Variants in CPEB4 observed in about 807,000 individuals in gnomAD.
CPEB4 encodes the protein cytoplasmic polyadenylation element-binding protein 4.
In CPEB4, 12 loss-of-function variants were observed where a neutral mutation model predicts 72.5. That is an observed-to-expected ratio of 0.17 (90% CI 0.11 to 0.27). The LOEUF (loss-of-function observed/expected upper bound fraction) is 0.27, where lower values mean the gene tolerates loss of function less well. Among genes scored for constraint, CPEB4 ranks in the 10% least tolerant of loss-of-function variants. The pLI is 1.00. For synonymous variants in CPEB4, 302 were observed against 326.3 expected (o/e 0.93, Z 0.80); for missense variants, 614 against 908.5 (o/e 0.68, Z 4.17).
intron 1 of CPEB4, chr5:173,893,036 T>TGTGTGTGTGAGA (rs55993382): frequency 4.6e-4 from 46 of 100,974 alleles, no homozygotes; most frequent in South Asian, 8.1e-4. Context: ...TGTGTGTGTG[T>TGTGTGTGTGAGA]GAGAGAGAGA....
At chr5:173,941,528 A>T (rs952661815) in intron 3 of CPEB4, among the ~76,000 whole-genome samples, 14 of 152,222 alleles carry the variant, frequency 9.2e-5, no homozygotes, top group African/African-American at 3.1e-4. Flanking sequence ...TGGAAGAATG[A>T]GAATAAAAAC....
intron 1 of CPEB4, among the ~76,000 whole-genome samples, chr5:173,908,037 G>T (rs555511954): frequency 1.2e-4 from 19 of 152,342 alleles, no homozygotes; most frequent in Admixed American, 8.5e-4. Context: ...CCCTTTTAAA[G>T]GTGTGGTTCA....
Position 173,890,386 on chromosome 5 carries a change from T to A in CPEB4, c.653T>A (p.Phe218Tyr), listed in dbSNP as rs756435407. The A allele has an allele frequency of 4.6e-5, 74 of 1,614,000 alleles. No homozygotes were observed. The highest frequency in any genetic ancestry group is 1.7e-5 in the Non-Finnish European group (20 of 1,180,024). The change falls in exon 1 of 10, where the codon TTT becomes TAT. Residue 218 changes from phenylalanine (F) to tyrosine (Y), a missense_variant. Transcript: ENST00000265085. Reference sequence around the variant, plus strand: ...TTCCCCCATCATGTCAGCCCTGGCTTTGGAGGCAGCTTCTCTCCTCAGATC... The same window carrying A: ...TTCCCCCATCATGTCAGCCCTGGCTATGGAGGCAGCTTCTCTCCTCAGATC... The part of the protein sequence containing the change: ...QNFPHHVSPG[F>Y]GGSFSPQIGP...
chr5:173,908,258 A>G (rs1214771879), intron 1 of CPEB4, among the ~76,000 whole-genome samples: 1 of 152,216 alleles, frequency 6.6e-6, no homozygotes, highest in Non-Finnish European at 1.5e-5. Flanking sequence ...CTGGCCATGT[A>G]TACTCCTGCC....
intron 2 of CPEB4, among the ~76,000 whole-genome samples, chr5:173,919,798 A>T (rs1757009230): frequency 2.0e-5 from 3 of 152,200 alleles, no homozygotes; most frequent in Non-Finnish European, 4.4e-5. Context: ...GTGCCACAGA[A>T]TTATTACTTC....
At chr5:173,891,507 C>G (rs1381062988) in intron 1 of CPEB4, 1 of 152,152 alleles carries the variant, frequency 6.6e-6, no homozygotes, top group East Asian at 1.9e-4. Context: ...TATTTTTGAA[C>G]ACTGTGAAAC....
At chr5:173,922,301 G>A (rs1331291993) in intron 2 of CPEB4, among the ~76,000 whole-genome samples, 5 of 151,982 alleles carry the variant, frequency 3.3e-5, no homozygotes, top group Admixed American at 2.6e-4. Flanking sequence ...CACAATCTTG[G>A]CTCACTGCAG....
intron 2 of CPEB4, among the ~76,000 whole-genome samples, chr5:173,913,674 T>G (rs930670147): frequency 6.6e-6 from 1 of 152,240 alleles, no homozygotes; most frequent in Non-Finnish European, 1.5e-5. Flanking sequence ...TAAATTAAGT[T>G]TCTTTAAGCT....
intron 2 of CPEB4, among the ~76,000 whole-genome samples, chr5:173,928,963 G>T (rs1757344302): frequency 1.3e-5 from 2 of 152,198 alleles, no homozygotes; most frequent in Admixed American, 1.3e-4. Context: ...ATAGCTGATT[G>T]TTTAACAGAA....
rs908232586 is a variant in CPEB4, at chr5:173,948,103, A to G, written c.1457-1405A>G. ...AACCCATTGAATAAAATAGACCCAAACTGATATCAATAAATGAATAAATCA... is the reference window on the plus strand; with the variant it reads ...AACCCATTGAATAAAATAGACCCAAGCTGATATCAATAAATGAATAAATCA... On this transcript the variant is annotated intron_variant, in intron 5 of 9. Transcript: ENST00000265085. Among the ~76,000 whole-genome samples the G allele has an allele frequency of 2.0e-5, 3 of 152,150 alleles. No individual in the cohort carries two copies. In the East Asian group the frequency reaches 5.8e-4, roughly 29 times the overall value.
rs1050771010 is a variant in CPEB4, at chr5:173,950,452, A to G, written c.1665+374A>G. ...AAATCCAGTCTTTACTGAAAATACA[A>G]AAATTAGCCAGGCATGGTGGCGCAC... On this transcript the variant is annotated intron_variant, in intron 7 of 9. Transcript: ENST00000265085. The surrounding 1 kb of genome is among the most constrained non-coding windows in gnomAD (Gnocchi z 5.0). Among the ~76,000 whole-genome samples, 2 of 152,026 alleles carry G rather than the reference A, an allele frequency of 1.3e-5. No individual in the cohort carries two copies. The highest frequency in any genetic ancestry group is 4.8e-5 in the African/African-American group (2 of 41,374).
intron 2 of CPEB4, among the ~76,000 whole-genome samples, chr5:173,926,307 T>C (rs1757239322): frequency 6.6e-6 from 1 of 152,234 alleles, no homozygotes; most frequent in Non-Finnish European, 1.5e-5. Context: ...CCTCTGGTCT[T>C]TTCTCCTTTT....
chr5:173,945,417 A>C (rs1195061466), intron 5 of CPEB4, among the ~76,000 whole-genome samples: 2 of 152,230 alleles, frequency 1.3e-5, no homozygotes, highest in African/African-American at 4.8e-5. Context: ...GTGGGCATAC[A>C]TGGGTACTAA....
Position 173,890,825 on chromosome 5 carries a change from C to T in CPEB4, c.1092C>T (p.Ser364=), listed in dbSNP as rs1755787259. The change falls in exon 1 of 10, where the codon AGC becomes AGT. Residue 364 remains serine, a synonymous_variant. Transcript: ENST00000265085. Reference sequence around the variant, plus strand: ...CACCTAAATCCTGGATGGAAGATAGCTTGAACAGGGCTGACAACATTTTTC... The same window carrying T: ...CACCTAAATCCTGGATGGAAGATAGTTTGAACAGGGCTGACAACATTTTTC... ...AFAPKSWMED[S]LNRADNIFPF... 6.2e-7 allele frequency: 1 copy of T among 1,613,658 alleles called. No individual in the cohort carries two copies. Among genetic ancestry groups the T allele is most frequent in the South Asian group, 1.1e-5 (1 of 91,030 alleles).
At chr5:173,953,519 C>A in intron 9 of CPEB4, 1 of 407,706 alleles carries the variant, frequency 2.5e-6, no homozygotes, top group South Asian at 1.1e-4. Flanking sequence ...AACTTCCATT[C>A]AATCTCAATC....
At chr5:173,891,415 C>T (rs1455955391) in intron 1 of CPEB4, 3 of 152,180 alleles carry the variant, frequency 2.0e-5, no homozygotes, top group African/African-American at 7.2e-5. Context: ...TCCTCTTAAA[C>T]CTCTGCAAAT....
chr5:173,905,172 G>C, intron 1 of CPEB4, among the ~76,000 whole-genome samples: 1 of 151,924 alleles, frequency 6.6e-6, no homozygotes, highest in Non-Finnish European at 1.5e-5. Context: ...CAGTGGGGTT[G>C]AAAGCAAATT....
chr5:173,945,431 C>A (rs972209700), intron 5 of CPEB4, among the ~76,000 whole-genome samples: 1 of 152,182 alleles, frequency 6.6e-6, no homozygotes, highest in Non-Finnish European at 1.5e-5. Flanking sequence ...GTACTAACTG[C>A]GTTTTTGTCT....
chr5:173,902,201 C>T (rs1043931401), intron 1 of CPEB4, among the ~76,000 whole-genome samples: 2 of 152,154 alleles, frequency 1.3e-5, no homozygotes, highest in African/African-American at 4.8e-5. Context: ...GACACACTGG[C>T]GTACACTTTC....
Sources: allele counts gnomAD v4.1 joint callset (sites outside exome capture counted in the v4.1 genomes callset), GRCh38; gene constraint gnomAD v4.1.1; non-coding constraint Gnocchi (gnomAD v3.1); transcripts MANE v1.5; gene names NCBI Gene and HGNC (gene_info 2026-07-23, HGNC 2026-07-21).